Variants in ACYP2 observed in about 807,000 individuals in gnomAD.
ACYP2 encodes the protein acylphosphatase-2.
A neutral mutation model predicts 11.2 loss-of-function variants in ACYP2; 12 were observed. The observed-to-expected ratio is 1.08, with a 90% CI of 0.69 to 1.74. ACYP2 has a LOEUF of 1.74. ACYP2 is among the 40% of genes most tolerant of loss of function. The probability of loss-of-function intolerance (pLI) is 0.00; values close to 1 mark genes in which losing one functional copy is unlikely to be tolerated. For missense variants in ACYP2, 134 were observed against 101.9 expected (o/e 1.31, Z -1.35); for synonymous variants, 43 against 32.2 (o/e 1.33, Z -1.13).
intron 2 of ACYP2, among the ~76,000 whole-genome samples, chr2:54,001,867 AG>A (rs554330352): frequency 3.1e-4 from 47 of 152,194 alleles, no homozygotes; most frequent in Non-Finnish European, 5.1e-4. Context: ...GAGCTGTTTT[AG>A]GTTCACAGAA....
At chr2:54,238,547 A>T (rs899628716) in intron 6 of ACYP2, among the ~76,000 whole-genome samples, 5 of 152,188 alleles carry the variant, frequency 3.3e-5, no homozygotes, top group Non-Finnish European at 7.4e-5. Flanking sequence ...AGTATCATTG[A>T]TCATATTTCT....
At position 54,016,947 on chromosome 2, in the gene ACYP2, C is replaced by T. The variant is rs562204607; in HGVS notation, c.63-34011C>T. Among the ~76,000 whole-genome samples, 7 of 152,022 alleles carry T rather than the reference C, an allele frequency of 4.6e-5. No individual in the cohort carries two copies. In the South Asian group the frequency reaches 1.5e-3, roughly 32 times the overall value. ...TCACCGTGTTAGCCAGGATGGTCTC[C>T]ATCTCCTGACCTCATGATCCACCCA... On this transcript the variant is annotated intron_variant, in intron 2 of 6. Coordinates refer to ENST00000607452, the MANE Select transcript of ACYP2 (RefSeq NM_001320586.2).
At chr2:54,092,279 A>G (rs553539584) in intron 4 of ACYP2, among the ~76,000 whole-genome samples, 1 of 152,312 alleles carries the variant, frequency 6.6e-6, no homozygotes, top group South Asian at 2.1e-4. Flanking sequence ...AGGGACAGGA[A>G]CCACATTTCA....
At chr2:54,283,255 C>T (rs1273532790) in intron 6 of ACYP2, among the ~76,000 whole-genome samples, 1 of 152,164 alleles carries the variant, frequency 6.6e-6, no homozygotes, top group Non-Finnish European at 1.5e-5. Context: ...ATCTCTGTGA[C>T]TAGGATTATA....
intron 4 of ACYP2, among the ~76,000 whole-genome samples, chr2:54,116,866 TAAA>T (rs1258869566): frequency 6.6e-5 from 10 of 152,144 alleles, no homozygotes; most frequent in African/African-American, 2.4e-4. Context: ...CTGGCTATTT[TAAA>T]GAGCAGGCGT....
intron 6 of ACYP2, among the ~76,000 whole-genome samples, chr2:54,216,533 C>CAA (rs1184408487): frequency 1.0e-5 from 1 of 95,828 alleles, no homozygotes; most frequent in Non-Finnish European, 2.2e-5. Context: ...AACTCCTAAT[C>CAA]ACGTTTACAT....
intron 6 of ACYP2, among the ~76,000 whole-genome samples, chr2:54,299,534 G>A (rs747568558): frequency 1.5e-4 from 22 of 150,124 alleles, no homozygotes; most frequent in Non-Finnish European, 2.9e-4. Context: ...GGAGATTGCA[G>A]TGAGCCCAGA....
chr2:54,107,423 GT>G (rs780284682), intron 4 of ACYP2, among the ~76,000 whole-genome samples: 1 of 152,042 alleles, frequency 6.6e-6, no homozygotes, highest in East Asian at 1.9e-4. Flanking sequence ...CTCTTTGTAA[GT>G]GTTGAAAATT....
At chr2:54,183,176 G>A (rs1683817891) in intron 6 of ACYP2, among the ~76,000 whole-genome samples, 1 of 152,050 alleles carries the variant, frequency 6.6e-6, no homozygotes, top group African/African-American at 2.4e-5. Flanking sequence ...AATCAAAATT[G>A]TAAAGCTATG....
chr2:54,065,154 G>A (rs76428808), intron 4 of ACYP2, among the ~76,000 whole-genome samples: 59 of 152,226 alleles, frequency 3.9e-4, no homozygotes, highest in African/African-American at 1.4e-3. Context: ...GATGATGTTG[G>A]CTTAGAGTAG....
intron 6 of ACYP2, among the ~76,000 whole-genome samples, chr2:54,213,557 C>T (rs1184009223): frequency 2.0e-5 from 3 of 152,170 alleles, no homozygotes; most frequent in Non-Finnish European, 2.9e-5. Flanking sequence ...TATAAGCATT[C>T]CCTTTTCTCT....
intron 6 of ACYP2, among the ~76,000 whole-genome samples, chr2:54,258,105 C>T (rs994111701): frequency 6.6e-6 from 1 of 152,182 alleles, no homozygotes; most frequent in Non-Finnish European, 1.5e-5. Context: ...TTTCTTCCCT[C>T]TTGGGGTTTA....
At chr2:54,065,603 TG>T (rs1676704015) in intron 4 of ACYP2, 1 of 398,216 alleles carries the variant, frequency 2.5e-6, no homozygotes, top group African/African-American at 2.1e-5. Context: ...ATCCCTGGGC[TG>T]GTGTGAGTAA....
chr2:54,002,652 T>G (rs938954614), intron 2 of ACYP2, among the ~76,000 whole-genome samples: 5 of 147,472 alleles, frequency 3.4e-5, no homozygotes, highest in Non-Finnish European at 6.0e-5. Flanking sequence ...GCCATTTTAT[T>G]TTATTTTATT....
chr2:54,138,254 A>C (rs1190130689), intron 5 of ACYP2, among the ~76,000 whole-genome samples: 7 of 152,252 alleles, frequency 4.6e-5, no homozygotes, highest in African/African-American at 1.7e-4. Flanking sequence ...TCAGTGATTG[A>C]GAATCTTGGA....
At chr2:54,038,469 G>T (rs1675029698) in intron 2 of ACYP2, among the ~76,000 whole-genome samples, 1 of 151,620 alleles carries the variant, frequency 6.6e-6, no homozygotes, top group African/African-American at 2.4e-5. Context: ...TAAGTGCGTG[G>T]TGCTATTCTA....
chr2:54,124,878 G>A (rs1680388833), intron 4 of ACYP2, among the ~76,000 whole-genome samples: 1 of 152,060 alleles, frequency 6.6e-6, no homozygotes, highest in South Asian at 2.1e-4. Flanking sequence ...TAAGACGCAT[G>A]TGCTAACTAG....
intron 6 of ACYP2, among the ~76,000 whole-genome samples, chr2:54,182,583 C>CT (rs201277752): frequency 0.013 from 1,906 of 152,260 alleles, 40 homozygotes; most frequent in African/African-American, 0.042. Context: ...AGCAGTCCTC[C>CT]TGCCTTGGCC....
intron 4 of ACYP2, among the ~76,000 whole-genome samples, chr2:54,067,088 A>G (rs930881642): frequency 2.6e-5 from 4 of 152,236 alleles, no homozygotes; most frequent in Non-Finnish European, 4.4e-5. Context: ...GAATAAATGA[A>G]TAACATTTAC....
Sources: allele counts gnomAD v4.1 joint callset (sites outside exome capture counted in the v4.1 genomes callset), GRCh38; gene constraint gnomAD v4.1.1; transcripts MANE v1.5; gene names NCBI Gene and HGNC (gene_info 2026-07-23, HGNC 2026-07-21).